CCDC6: variants seen among roughly 807,000 people sequenced by gnomAD.
The protein encoded by CCDC6 is coiled-coil domain containing 6, also known as coiled-coil domain-containing protein 6.
CCDC6 carries 20 observed loss-of-function variants against 56.6 expected under a neutral mutation model. The observed-to-expected ratio is 0.35, with a 90% confidence interval of 0.25 to 0.51. CCDC6 has a LOEUF of 0.51. Among genes scored for constraint, CCDC6 ranks in the 20% least tolerant of loss-of-function variants. The pLI is 0.95. For synonymous variants in CCDC6, 241 were observed against 234.4 expected, an observed-to-expected ratio of 1.03 and a Z score of -0.26; for missense variants, 367 against 601.1, an observed-to-expected ratio of 0.61 and a Z score of 4.07.
rs773513755 is a variant in CCDC6, at chr10:59,793,044, T to C, written c.1298A>G (p.Asn433Ser). 1.2e-6 allele frequency: 2 copies of C among 1,613,738 alleles called. No homozygotes were observed. Among genetic ancestry groups the C allele is most frequent in the East Asian group, 4.5e-5 (2 of 44,868 alleles). The part of the protein sequence containing the change: ...FKRPTPPPSP[N>S]TQTPVQPPPP... ...AGGTGGCTGGACTGGGGTCTGTGTG[T>C]TGGGAGATGGAGGCGGCGTGGGCCG... is the stretch of plus-strand genomic sequence containing the variant. Residue 433 changes from asparagine (N) to serine (S), a missense_variant, in exon 9 of 9, where the codon AAC becomes AGC. By Grantham distance (46) the Asn-to-Ser change is conservative. This residue lies in a region of CCDC6 where 54 missense variants were observed against 60.0 expected (regional missense o/e 0.90). Coordinates refer to ENST00000263102, the MANE Select transcript of CCDC6 (RefSeq NM_005436.5).
chr10:59,896,598 A>G (rs2071465541), intron 1 of CCDC6, among the ~76,000 whole-genome samples: 3 of 152,090 alleles, frequency 2.0e-5, no homozygotes. Flanking sequence ...TTAAAAAAAA[A>G]AACAAACAAA....
At chr10:59,896,130 CTG>C (rs2071461104) in intron 1 of CCDC6, among the ~76,000 whole-genome samples, 1 of 152,182 alleles carries the variant, frequency 6.6e-6, no homozygotes, top group Non-Finnish European at 1.5e-5. Flanking sequence ...TGATTTTAAC[CTG>C]CATCCTTTCC....
intron 3 of CCDC6, among the ~76,000 whole-genome samples, chr10:59,815,758 CTTTCAA>C (rs938581457): frequency 4.6e-5 from 7 of 152,160 alleles, no homozygotes; most frequent in Non-Finnish European, 8.8e-5. Context: ...GGCAATTCAC[CTTTCAA>C]TGGTTGAGTC....
intron 3 of CCDC6, among the ~76,000 whole-genome samples, chr10:59,828,691 G>A (rs2070810109): frequency 6.6e-6 from 1 of 152,118 alleles, no homozygotes; most frequent in Non-Finnish European, 1.5e-5. Flanking sequence ...GCATGAGCAA[G>A]CTGGGCCACT....
At chr10:59,890,333 G>A (rs905763463) in intron 1 of CCDC6, among the ~76,000 whole-genome samples, 2 of 152,200 alleles carry the variant, frequency 1.3e-5, no homozygotes, top group East Asian at 1.9e-4. Context: ...ACTGAGAGCC[G>A]CTGAGGAAGA....
intron 1 of CCDC6, among the ~76,000 whole-genome samples, chr10:59,857,486 C>A (rs1157026196): frequency 6.6e-6 from 1 of 152,182 alleles, no homozygotes; most frequent in Non-Finnish European, 1.5e-5. Context: ...CAATAGCACT[C>A]AACCACTGAA....
At chr10:59,873,619 T>G (rs1201880962) in intron 1 of CCDC6, among the ~76,000 whole-genome samples, 1 of 151,990 alleles carries the variant, frequency 6.6e-6, no homozygotes, top group Non-Finnish European at 1.5e-5. Context: ...CAGACCCAAC[T>G]CCCACCACCA....
In CCDC6 at chr10:59,844,772, G is replaced by C. The variant is rs537072925; in HGVS notation, c.453+7781C>G. ...AAAAAAAAAAAAAAAAAGAGAGAGA[G>C]AGAGAGAAAATCCTTTAGGCTCTGG... On this transcript the variant is annotated intron_variant, in intron 2 of 8. Coordinates refer to ENST00000263102, the MANE Select transcript of CCDC6 (RefSeq NM_005436.5). 4.6e-5 allele frequency among the ~76,000 whole-genome samples: 7 copies of C among 150,932 alleles called. No individual in the cohort carries two copies. In the South Asian group the frequency reaches 1.5e-3, roughly 32 times the overall value.
At chr10:59,828,756 C>T (rs1414279947) in intron 3 of CCDC6, among the ~76,000 whole-genome samples, 1 of 152,142 alleles carries the variant, frequency 6.6e-6, no homozygotes, top group Non-Finnish European at 1.5e-5. Context: ...CCCAACTCTG[C>T]AGCAAACTCT....
At chr10:59,893,484 G>A (rs1334585093) in intron 1 of CCDC6, among the ~76,000 whole-genome samples, 2 of 152,032 alleles carry the variant, frequency 1.3e-5, no homozygotes, top group Non-Finnish European at 2.9e-5. Context: ...GCACGCCTGT[G>A]GTCTCAGCAA....
chr10:59,812,828 AAC>A (rs755448368), intron 4 of CCDC6, 33 bp from the exon 5 acceptor site: 1 of 1,536,082 alleles, frequency 6.5e-7, no homozygotes. Context: ...AACAATGACT[AAC>A]AGTTTTCCTT....
chr10:59,849,579 C>T (rs537313685), intron 2 of CCDC6, among the ~76,000 whole-genome samples: 76 of 152,204 alleles, frequency 5.0e-4, no homozygotes, highest in African/African-American at 1.8e-3. Flanking sequence ...AAGCATTGTC[C>T]AATCACTATC....
At chr10:59,797,904 G>C (rs2070537932) in intron 7 of CCDC6, among the ~76,000 whole-genome samples, 1 of 152,142 alleles carries the variant, frequency 6.6e-6, no homozygotes, top group African/African-American at 2.4e-5. Context: ...TTTAACATCT[G>C]TATGTCCAGA....
chr10:59,841,550 G>A (rs2070938875), intron 2 of CCDC6, among the ~76,000 whole-genome samples: 1 of 152,180 alleles, frequency 6.6e-6, no homozygotes, highest in Non-Finnish European at 1.5e-5. Flanking sequence ...ATAAGTAAAT[G>A]GCAGTATTAG....
At chr10:59,844,030 C>G (rs1461332483) in intron 2 of CCDC6, among the ~76,000 whole-genome samples, 1 of 152,168 alleles carries the variant, frequency 6.6e-6, no homozygotes, top group Non-Finnish European at 1.5e-5. Context: ...TCGTTCCCAC[C>G]TTCCTTCAGA....
intron 8 of CCDC6, among the ~76,000 whole-genome samples, chr10:59,793,433 A>G (rs543783170): frequency 6.6e-4 from 101 of 152,274 alleles, no homozygotes; most frequent in Non-Finnish European, 1.1e-3. Flanking sequence ...AATTCCCTCT[A>G]TTGCTTATCT....
At chr10:59,807,590 G>T (rs1456562676) in intron 5 of CCDC6, among the ~76,000 whole-genome samples, 1 of 152,162 alleles carries the variant, frequency 6.6e-6, no homozygotes, top group Non-Finnish European at 1.5e-5. Context: ...CCAATTATTT[G>T]CATTTAGAAA....
intron 1 of CCDC6, among the ~76,000 whole-genome samples, chr10:59,856,503 CTCTG>C (rs764745530): frequency 1.3e-5 from 2 of 152,184 alleles, no homozygotes; most frequent in Non-Finnish European, 2.9e-5. Context: ...TCATCTCAGT[CTCTG>C]TCTTAGTCCT....
chr10:59,807,184 G>C, intron 5 of CCDC6, 106 bp from the exon 6 acceptor site: 2 of 987,880 alleles, frequency 2.0e-6, no homozygotes, highest in Non-Finnish European at 3.0e-6. Context: ...AGAGGGAATT[G>C]TTACAAGATG....
Sources: allele counts gnomAD v4.1 joint callset (sites outside exome capture counted in the v4.1 genomes callset), GRCh38; gene constraint gnomAD v4.1.1; regional missense constraint gnomAD v4.1.1; transcripts MANE v1.5; gene names NCBI Gene and HGNC (gene_info 2026-07-23, HGNC 2026-07-21).